The following LPP variants were observed in gnomAD, a reference collection of about 807,000 sequenced individuals.
LPP encodes the protein LIM domain containing preferred translocation partner in lipoma.
Under a neutral mutation model 60.4 loss-of-function variants are expected in LPP, and 38 were observed. The ratio of observed to expected loss-of-function variants is 0.63; its 90% CI spans 0.49 to 0.83. The LOEUF (loss-of-function observed/expected upper bound fraction) is 0.83. Among genes scored for constraint, LPP ranks in the 40% least tolerant of loss-of-function variants. The pLI is 0.00. For missense variants in LPP, 902 were observed against 783.6 expected, an observed-to-expected ratio of 1.15 and a Z score of -1.80; for synonymous variants, 328 against 290.8, an observed-to-expected ratio of 1.13 and a Z score of -1.30.
At chr3:188,524,932 CT>C (rs1820124603) in intron 6 of LPP, 145 bp downstream of exon 6, 2 of 661,054 alleles carry the variant, frequency 3.0e-6, no homozygotes, top group East Asian at 3.3e-5. Context: ...TCCTTCCTTC[CT>C]TCCTTCCTTC....
chr3:188,415,492 A>C (rs941038993), intron 4 of LPP, among the ~76,000 whole-genome samples: 1 of 152,026 alleles, frequency 6.6e-6, no homozygotes, highest in African/African-American at 2.4e-5. Context: ...ATGGATGTTC[A>C]TAGCAACTTT....
chr3:188,819,535 G>A (rs1753401924), intron 9 of LPP, among the ~76,000 whole-genome samples: 1 of 152,174 alleles, frequency 6.6e-6, no homozygotes. Context: ...GAAGGGTATT[G>A]TAATAGAATC....
Position 188,722,685 on chromosome 3 carries a change from A to G in LPP, c.1240+14292A>G, listed in dbSNP as rs144624922. ...TTTTCTTGTTTAGATTAGCTCTTCT[A>G]TAGAACCTCAGAGTCTTCCTGAATT... On this transcript the variant is annotated intron_variant, in intron 8 of 11. Coordinates refer to ENST00000617246, the MANE Select transcript of LPP (RefSeq NM_001375462.1). Among the ~76,000 whole-genome samples, 394 of 152,368 alleles carry G rather than the reference A, an allele frequency of 2.6e-3. 3 individuals carry two copies. Among genetic ancestry groups the G allele is most frequent in the Non-Finnish European group, 4.5e-3 (309 of 68,034 alleles).
At chr3:188,867,293 A>G (rs528393778) in intron 10 of LPP, among the ~76,000 whole-genome samples, 1 of 147,984 alleles carries the variant, frequency 6.8e-6, no homozygotes, top group East Asian at 1.9e-4. Context: ...ATATGTAAAT[A>G]TATTTTTATA....
chr3:188,305,464 G>C (rs992871780), intron 2 of LPP, among the ~76,000 whole-genome samples: 1 of 152,154 alleles, frequency 6.6e-6, no homozygotes, highest in African/African-American at 2.4e-5. Context: ...CTAGAATCTG[G>C]AGGCAGGTTA....
In LPP at chr3:188,609,416, C is replaced by T. The variant is rs1210259446; in HGVS notation, c.685C>T (p.Gln229Ter). Residue 229 changes from glutamine to a stop codon, truncating the protein, a stop_gained, in exon 7 of 12, where the codon CAG (glutamine) becomes TAG (stop). Transcript: ENST00000617246. LOFTEE classifies it high-confidence loss of function. This position sits in a 1 kb window ranked among gnomAD's most constrained non-coding sequence, Gnocchi z 6.9. ...CTTTAATGTGCAGGTGAAGTCAGCC[C>T]AGCCCAGCCCTCATTATATGGCTGC... ...PTFNVQVKSA[Q>*]PSPHYMAAPS... 8 of 1,614,044 alleles carry T rather than the reference C, an allele frequency of 5.0e-6. No individual in the cohort carries two copies. Among genetic ancestry groups the T allele is most frequent in the Non-Finnish European group, 6.8e-6 (8 of 1,180,044 alleles).
intron 4 of LPP, among the ~76,000 whole-genome samples, chr3:188,407,791 T>TTTTTTTTTTTTTTTTTTG (rs1783984681): frequency 5.9e-5 from 2 of 34,136 alleles, no homozygotes; most frequent in African/African-American, 9.8e-5. Context: ...TTTGTTTGTT[T>TTTTTTTTTTTTTTTTTTG]TTTTTTTTTT....
chr3:188,211,830 TC>T, intron 1 of LPP, among the ~76,000 whole-genome samples: 1 of 133,634 alleles, frequency 7.5e-6, no homozygotes, highest in South Asian at 2.6e-4. Context: ...CTGTTCTTTT[TC>T]TTTTTTTTTT....
intron 7 of LPP, among the ~76,000 whole-genome samples, chr3:188,670,998 G>A (rs1026980801): frequency 7.9e-5 from 12 of 152,118 alleles, no homozygotes; most frequent in African/African-American, 2.9e-4. Context: ...TTTCCCCCGC[G>A]TTTTCTACAT....
At chr3:188,773,800 C>T (rs1054293203) in intron 9 of LPP, among the ~76,000 whole-genome samples, 11 of 151,776 alleles carry the variant, frequency 7.2e-5, no homozygotes, top group Admixed American at 2.6e-4. Flanking sequence ...CAAAATGGAA[C>T]GCGCTAAATG....
intron 6 of LPP, among the ~76,000 whole-genome samples, chr3:188,598,901 TA>T (rs938697521): frequency 6.6e-6 from 1 of 152,176 alleles, no homozygotes; most frequent in African/African-American, 2.4e-5. Context: ...ATTTCTTGCC[TA>T]ATTGGTTGAA....
chr3:188,832,871 C>T (rs1165226634), intron 9 of LPP, among the ~76,000 whole-genome samples: 3 of 152,164 alleles, frequency 2.0e-5, no homozygotes, highest in Non-Finnish European at 4.4e-5. Flanking sequence ...TGGTCCTGAA[C>T]CATCCCAGTG....
intron 9 of LPP, among the ~76,000 whole-genome samples, 200 bp downstream of exon 9, chr3:188,760,482 C>G (rs777442211): frequency 2.7e-5 from 4 of 150,556 alleles, no homozygotes; most frequent in Non-Finnish European, 4.4e-5. Flanking sequence ...TTCTACACAT[C>G]CCCCATTCAT....
chr3:188,793,033 C>T (rs368148734), intron 9 of LPP, among the ~76,000 whole-genome samples: 23 of 152,094 alleles, frequency 1.5e-4, no homozygotes, highest in Middle Eastern at 3.2e-3. Context: ...TGGTGGGCAC[C>T]GGTCCACATC....
chr3:188,252,075 T>TACACAC lies in LPP; in HGVS notation c.-67+26560_-67+26565dup, dbSNP rs1187257468. 8.8e-3 allele frequency among the ~76,000 whole-genome samples: 512 copies of TACACAC among 58,404 alleles called. 17 individuals carry two copies. Among genetic ancestry groups the TACACAC allele is most frequent in the African/African-American group, 0.025 (338 of 13,518 alleles). 38.3% of individuals were successfully genotyped at this position (58,404 alleles called of 152,430 possible). On this transcript the variant is annotated intron_variant, in intron 2 of 11. Coordinates refer to ENST00000617246, the MANE Select transcript of LPP (RefSeq NM_001375462.1). ...ATATATATATATATATATATATATA[T>TACACAC]ACACACACACACACACATATATCAG...
At chr3:188,593,437 T>A (rs775577681) in intron 6 of LPP, among the ~76,000 whole-genome samples, 25 of 152,214 alleles carry the variant, frequency 1.6e-4, no homozygotes, top group Non-Finnish European at 3.1e-4. Context: ...GATAATTTTT[T>A]TCTTTTTTAA....
intron 9 of LPP, among the ~76,000 whole-genome samples, chr3:188,815,526 C>A (rs1370340783): frequency 2.0e-5 from 3 of 150,304 alleles, no homozygotes; most frequent in Non-Finnish European, 4.4e-5. Context: ...ATGATTCTAT[C>A]TCCCTTTAGA....
intron 9 of LPP, among the ~76,000 whole-genome samples, chr3:188,795,754 T>G (rs1190351985): frequency 6.6e-6 from 1 of 152,222 alleles, no homozygotes; most frequent in Non-Finnish European, 1.5e-5. Context: ...CATACTTTCC[T>G]GCAATTTTCC....
At chr3:188,349,878 T>G (rs1182671244) in intron 3 of LPP, among the ~76,000 whole-genome samples, 1 of 152,232 alleles carries the variant, frequency 6.6e-6, no homozygotes, top group Non-Finnish European at 1.5e-5. Context: ...ATAATACCAG[T>G]GCTCCTGAGC....
Sources: gnomAD v4.1 joint callset for allele counts (sites outside exome capture counted in the v4.1 genomes callset) on GRCh38, gnomAD v4.1.1 for gene constraint, Gnocchi (gnomAD v3.1) non-coding constraint, MANE v1.5 for transcripts, NCBI Gene and HGNC (gene_info 2026-07-23, HGNC 2026-07-21) for gene names.